PAX5: variants seen among roughly 807,000 people sequenced by gnomAD.
The protein encoded by PAX5 is paired box protein Pax-5.
PAX5 carries 9 observed loss-of-function variants against 43.7 expected under a neutral mutation model. The observed-to-expected ratio is 0.21, with a 90% CI of 0.12 to 0.36. PAX5 has a LOEUF of 0.36. PAX5 is among the 10% of genes least tolerant of loss of function. The pLI, the probability that PAX5 is intolerant of heterozygous loss-of-function variation, is 1.00. For synonymous variants in PAX5, 228 were observed against 214.3 expected, an observed-to-expected ratio of 1.06 and a Z score of -0.56; for missense variants, 383 against 532.7, an observed-to-expected ratio of 0.72 and a Z score of 2.77.
chr9:36,931,356 C>G (rs1831106557), intron 6 of PAX5, among the ~76,000 whole-genome samples: 1 of 152,200 alleles, frequency 6.6e-6, no homozygotes, highest in Non-Finnish European at 1.5e-5. Flanking sequence ...CTCTAAGTCT[C>G]CTTCCACTGC....
chr9:36,889,966 A>G (rs1278322327), intron 7 of PAX5, among the ~76,000 whole-genome samples: 18 of 149,680 alleles, frequency 1.2e-4, no homozygotes, highest in Admixed American at 1.1e-3. Flanking sequence ...TGTGAATCCA[A>G]TTAACTTCAA....
chr9:36,890,344 C>T (rs921865914), intron 7 of PAX5, among the ~76,000 whole-genome samples: 33 of 152,106 alleles, frequency 2.2e-4, no homozygotes, highest in Admixed American at 1.9e-3. Flanking sequence ...GGCAAGAGGT[C>T]CTGCCCAGAG....
intron 8 of PAX5, among the ~76,000 whole-genome samples, chr9:36,875,449 GC>G (rs1399452006): frequency 1.3e-5 from 2 of 152,194 alleles, no homozygotes; most frequent in African/African-American, 4.8e-5. Flanking sequence ...AATGACTTCA[GC>G]TGGGCTTAGT....
At chr9:36,888,238 C>T (rs929863114) in intron 7 of PAX5, among the ~76,000 whole-genome samples, 2 of 152,208 alleles carry the variant, frequency 1.3e-5, no homozygotes, top group Non-Finnish European at 2.9e-5. Context: ...CGAGTTACCA[C>T]GTGACCCAGC....
chr9:36,884,099 A>G (rs565329977), intron 7 of PAX5, among the ~76,000 whole-genome samples: 1 of 152,364 alleles, frequency 6.6e-6, no homozygotes, highest in East Asian at 1.9e-4. Flanking sequence ...TATCTCAGTT[A>G]TTAAACTGTT....
At chr9:36,878,193 C>T (rs919795467) in intron 8 of PAX5, among the ~76,000 whole-genome samples, 3 of 152,186 alleles carry the variant, frequency 2.0e-5, no homozygotes, top group Admixed American at 2.0e-4. Context: ...TTTTAAGCCA[C>T]CAGGTTTGGG....
chr9:36,906,347 C>G (rs1270602333), intron 7 of PAX5, among the ~76,000 whole-genome samples: 1 of 152,252 alleles, frequency 6.6e-6, no homozygotes, highest in African/African-American at 2.4e-5. Context: ...GAGTCACAGA[C>G]AGAAGATGTG....
intron 5 of PAX5, among the ~76,000 whole-genome samples, chr9:36,970,038 G>A (rs972286468): frequency 8.5e-5 from 13 of 152,074 alleles, no homozygotes; most frequent in African/African-American, 3.1e-4. Flanking sequence ...CAAAAACAGG[G>A]GATACAGTGA....
chr9:36,960,057 A>T (rs146678281), intron 6 of PAX5, among the ~76,000 whole-genome samples: 2 of 152,286 alleles, frequency 1.3e-5, no homozygotes, highest in Non-Finnish European at 2.9e-5. Context: ...ACTAAAACCC[A>T]ATATATTTAT....
chr9:36,976,748 G>T (rs767126541), intron 5 of PAX5, among the ~76,000 whole-genome samples: 1 of 152,258 alleles, frequency 6.6e-6, no homozygotes, highest in Non-Finnish European at 1.5e-5. Context: ...GTTCAGGTTT[G>T]ACCAGAGTGA....
In PAX5 at chr9:36,979,155, C is replaced by T. The variant is rs890777147; in HGVS notation, c.605-12431G>A. ...GCTTGACCTGTTAGATGTACTCGGA[C>T]TGGCTCGACTCCTCTTGGATACACA... On this transcript the variant is annotated intron_variant, in intron 5 of 9. Transcript: ENST00000358127. Among the ~76,000 whole-genome samples, 4 of 152,212 alleles carry T rather than the reference C, an allele frequency of 2.6e-5. No individual in the cohort carries two copies. In the East Asian group the frequency reaches 5.8e-4, roughly 22 times the overall value.
chr9:36,948,383 C>A (rs1832727911), intron 6 of PAX5, among the ~76,000 whole-genome samples: 1 of 152,158 alleles, frequency 6.6e-6, no homozygotes, highest in Non-Finnish European at 1.5e-5. Context: ...GTATCACAGT[C>A]TGGGTTTAAA....
At chr9:36,875,137 C>T (rs1043004826) in intron 8 of PAX5, among the ~76,000 whole-genome samples, 5 of 152,188 alleles carry the variant, frequency 3.3e-5, no homozygotes, top group African/African-American at 9.7e-5. Flanking sequence ...CATGTGGCGG[C>T]CACTCTAACA....
chr9:37,026,059 T>C (rs1840325567), intron 1 of PAX5, among the ~76,000 whole-genome samples: 1 of 152,182 alleles, frequency 6.6e-6, no homozygotes, highest in African/African-American at 2.4e-5. Context: ...TCTCAACCTC[T>C]TCCTCCACAC....
At chr9:36,919,712 G>A (rs1170705678) in intron 7 of PAX5, among the ~76,000 whole-genome samples, 1 of 151,590 alleles carries the variant, frequency 6.6e-6, no homozygotes, top group Non-Finnish European at 1.5e-5. Context: ...GTGGTGGTGG[G>A]TGCCTGTAAT....
At chr9:36,911,582 G>A (rs958623224) in intron 7 of PAX5, among the ~76,000 whole-genome samples, 7 of 152,194 alleles carry the variant, frequency 4.6e-5, no homozygotes, top group East Asian at 1.9e-4. Flanking sequence ...TTTTTACAGC[G>A]CCTTTTGGCA....
intron 6 of PAX5, among the ~76,000 whole-genome samples, chr9:36,936,313 T>A (rs1177476532): frequency 1.3e-5 from 2 of 152,214 alleles, no homozygotes; most frequent in Admixed American, 6.5e-5. Flanking sequence ...GGGAAACCTC[T>A]GCACCTGCTA....
Position 36,839,289 on chromosome 9 carries a change from C to G in PAX5, c.*1271G>C. ...GCTCCCTCTCCAAGTTCCCGTGGCC[C>G]TTGGCCGTGGCCCTGACCATCGCGG... On this transcript the variant is annotated 3_prime_UTR_variant, in exon 10 of 10. Coordinates refer to ENST00000358127, the MANE Select transcript of PAX5 (RefSeq NM_016734.3). 4.3e-6 allele frequency: 1 copy of G among 233,606 alleles called. No individual in the cohort carries two copies. Among genetic ancestry groups the G allele is most frequent in the African/African-American group, 2.2e-5 (1 of 45,490 alleles). 14.5% of individuals were successfully genotyped at this position (233,606 alleles called of 1,614,324 possible).
At chr9:36,853,575 T>C (rs1461298377) in intron 8 of PAX5, among the ~76,000 whole-genome samples, 1 of 152,200 alleles carries the variant, frequency 6.6e-6, no homozygotes, top group East Asian at 1.9e-4. Context: ...TAGAGGAATG[T>C]ATGCTGTTTC....
Sources: allele counts gnomAD v4.1 joint callset (sites outside exome capture counted in the v4.1 genomes callset), GRCh38; gene constraint gnomAD v4.1.1; transcripts MANE v1.5; gene names NCBI Gene and HGNC (gene_info 2026-07-23, HGNC 2026-07-21).